The following BTBD16 variants were observed in gnomAD, a reference collection of about 807,000 sequenced individuals.
The protein encoded by BTBD16 is BTB/POZ domain-containing protein 16.
Under a neutral mutation model 67.4 loss-of-function variants are expected in BTBD16, and 66 were observed. The observed-to-expected ratio is 0.98, with a 90% CI of 0.80 to 1.20. The LOEUF (loss-of-function observed/expected upper bound fraction) is 1.20. BTBD16 is among the 50% of genes most tolerant of loss of function. The probability of loss-of-function intolerance (pLI) is 0.00; values close to 1 mark genes in which losing one functional copy is unlikely to be tolerated. For missense variants in BTBD16, 634 were observed against 616.0 expected (o/e 1.03, Z -0.31); for synonymous variants, 242 against 236.4 (o/e 1.02, Z -0.22).
chr10:122,316,153 G>C (rs2096423897), intron 10 of BTBD16, among the ~76,000 whole-genome samples: 2 of 152,152 alleles, frequency 1.3e-5, no homozygotes, highest in Admixed American at 6.5e-5. Context: ...TGTAATTCCA[G>C]CTACTTGGGA....
chr10:122,325,490 G>A (rs967322506), intron 10 of BTBD16, among the ~76,000 whole-genome samples: 5 of 152,200 alleles, frequency 3.3e-5, no homozygotes, highest in South Asian at 2.1e-4. Flanking sequence ...CACTCACCAG[G>A]ACTGATGGGT....
At chr10:122,302,183 G>A (rs2096395305) in intron 9 of BTBD16, among the ~76,000 whole-genome samples, 1 of 152,190 alleles carries the variant, frequency 6.6e-6, no homozygotes, top group Admixed American at 6.5e-5. Flanking sequence ...AGTCCCTCGA[G>A]CTCATCTTCC....
intron 9 of BTBD16, among the ~76,000 whole-genome samples, chr10:122,302,289 G>T (rs2096395487): frequency 1.3e-5 from 2 of 152,072 alleles, no homozygotes; most frequent in South Asian, 4.1e-4. Flanking sequence ...TATTTGCCTG[G>T]CATTTGGTTT....
chr10:122,328,436 A>AGG (rs1167293025), intron 10 of BTBD16, among the ~76,000 whole-genome samples: 1 of 152,190 alleles, frequency 6.6e-6, no homozygotes, highest in Non-Finnish European at 1.5e-5. Context: ...CTGCACCTCT[A>AGG]GGCCTATCTT....
chr10:122,302,743 AGTT>A (rs1164375036), intron 9 of BTBD16, among the ~76,000 whole-genome samples: 1 of 152,226 alleles, frequency 6.6e-6, no homozygotes, highest in South Asian at 2.1e-4. Context: ...AGCTATATAC[AGTT>A]GTTGTTGTAT....
intron 12 of BTBD16, 69 bp downstream of exon 12, chr10:122,331,327 A>T: frequency 1.3e-6 from 2 of 1,592,262 alleles, no homozygotes; most frequent in Non-Finnish European, 1.7e-6. Context: ...TTTTTTCTGG[A>T]GATGTGTTTC....
intron 10 of BTBD16, among the ~76,000 whole-genome samples, chr10:122,322,286 G>C (rs116461579): frequency 6.6e-6 from 1 of 151,916 alleles, no homozygotes; most frequent in Middle Eastern, 3.4e-3. Context: ...TGATTTCCAG[G>C]CTTTCTTCTT....
chr10:122,334,492 G>T (rs2096460138), intron 13 of BTBD16, among the ~76,000 whole-genome samples: 1 of 99,476 alleles, frequency 1.0e-5, no homozygotes, highest in Admixed American at 1.3e-4. Flanking sequence ...ACCGTGCCCG[G>T]CCTTTTTTTT....
intron 10 of BTBD16, among the ~76,000 whole-genome samples, chr10:122,310,502 G>A (rs2096411863): frequency 6.6e-6 from 1 of 152,148 alleles, no homozygotes; most frequent in Non-Finnish European, 1.5e-5. Flanking sequence ...GACAGCCTGG[G>A]CCAGCATTGC....
At chr10:122,280,155 T>C (rs1398744511) in intron 3 of BTBD16, among the ~76,000 whole-genome samples, 1 of 152,216 alleles carries the variant, frequency 6.6e-6, no homozygotes, top group East Asian at 1.9e-4. Context: ...AATCTTTTTG[T>C]GCCTTAGTTT....
At chr10:122,274,060 T>C (rs549390655) in intron 1 of BTBD16, among the ~76,000 whole-genome samples, 2 of 152,196 alleles carry the variant, frequency 1.3e-5, no homozygotes, top group Non-Finnish European at 2.9e-5. Flanking sequence ...GGTGAAGTGC[T>C]GTTTGGGGAG....
chr10:122,278,181 G>A (rs2096344906), intron 3 of BTBD16, among the ~76,000 whole-genome samples: 1 of 152,178 alleles, frequency 6.6e-6, no homozygotes, highest in South Asian at 2.1e-4. Context: ...CTGATGAGAG[G>A]GTCTGGGCAG....
At chr10:122,336,724 CTT>C in intron 15 of BTBD16, 42 bp downstream of exon 15, 1 of 1,505,162 alleles carries the variant, frequency 6.6e-7, no homozygotes, top group Non-Finnish European at 8.9e-7. Context: ...CCTTTTTGCT[CTT>C]TCTCTCCCCC....
intron 10 of BTBD16, chr10:122,327,413 A>C (rs574728107): frequency 6.6e-4 from 114 of 172,568 alleles, no homozygotes; most frequent in African/African-American, 2.5e-3. Flanking sequence ...CAGCTGGCCC[A>C]AGCCCTTCCC....
chr10:122,277,790 C>T (rs1236405384), intron 3 of BTBD16, among the ~76,000 whole-genome samples: 3 of 152,150 alleles, frequency 2.0e-5, no homozygotes, highest in Non-Finnish European at 4.4e-5. Context: ...CATTAGGCCC[C>T]ACCTCCAACA....
intron 10 of BTBD16, among the ~76,000 whole-genome samples, chr10:122,308,218 A>G (rs2096407123): frequency 6.6e-6 from 1 of 152,172 alleles, no homozygotes; most frequent in African/African-American, 2.4e-5. Context: ...TGTTTTTAAT[A>G]TGGAAGAAGC....
intron 3 of BTBD16, 111 bp from the exon 4 acceptor site, chr10:122,283,740 A>G (rs2096357664): frequency 1.2e-6 from 1 of 808,432 alleles, no homozygotes; most frequent in Non-Finnish European, 2.1e-6. Context: ...AGATATGATT[A>G]GCTTGATCAA....
chr10:122,298,853 G>C lies in BTBD16; in HGVS notation c.661-151G>C, dbSNP rs1415667241. 2.0e-5 allele frequency: 19 copies of C among 946,270 alleles called. No individual in the cohort carries two copies. The East Asian group carries it at 4.8e-4, about 24-fold the overall frequency. 58.6% of individuals were successfully genotyped at this position (946,270 alleles called of 1,614,324 possible). A position where few individuals can be genotyped will look rare whatever the true frequency, so the allele number is the denominator to read the frequency against. On this transcript the variant is annotated intron_variant, in intron 8 of 15. Coordinates refer to ENST00000260723, the MANE Select transcript of BTBD16 (RefSeq NM_144587.5). ...CGAGCATAGAAAACACTTAGAAAAG[G>C]TATCTGCTGTAATTCATGTATTTTG...
chr10:122,323,182 T>C (rs2096438450), intron 10 of BTBD16, among the ~76,000 whole-genome samples: 1 of 152,216 alleles, frequency 6.6e-6, no homozygotes, highest in Admixed American at 6.5e-5. Flanking sequence ...ATAGTGACTT[T>C]CTGGCCAGTT....
Sources: gnomAD v4.1 joint callset for allele counts (sites outside exome capture counted in the v4.1 genomes callset) on GRCh38, gnomAD v4.1.1 for gene constraint, MANE v1.5 for transcripts, NCBI Gene and HGNC (gene_info 2026-07-23, HGNC 2026-07-21) for gene names.